The following PRKAG2 variants were observed in gnomAD, a reference collection of about 807,000 sequenced individuals.
The protein encoded by PRKAG2 is protein kinase AMP-activated non-catalytic subunit gamma 2, also known as 5'-AMP-activated protein kinase subunit gamma-2.
Under a neutral mutation model 69.6 loss-of-function variants are expected in PRKAG2, and 26 were observed. The observed-to-expected ratio is 0.37, with a 90% CI of 0.27 to 0.52. The LOEUF is 0.52. Ranked by LOEUF, PRKAG2 falls within the 20% of genes least tolerant of loss-of-function variation. The probability of loss-of-function intolerance (pLI) is 0.90; values close to 1 mark genes in which losing one functional copy is unlikely to be tolerated. For synonymous variants in PRKAG2, 293 were observed against 285.0 expected (o/e 1.03, Z -0.28); for missense variants, 557 against 740.0 (o/e 0.75, Z 2.87).
intron 2 of PRKAG2, among the ~76,000 whole-genome samples, chr7:151,782,708 C>CCT (rs1354040362): frequency 1.3e-5 from 2 of 152,210 alleles, no homozygotes; most frequent in Admixed American, 6.5e-5. Flanking sequence ...TCTCACCGAG[C>CCT]CTCAGCTCCC....
intron 5 of PRKAG2, among the ~76,000 whole-genome samples, chr7:151,611,388 C>T (rs150405379): frequency 1.2e-3 from 178 of 152,352 alleles, no homozygotes; most frequent in African/African-American, 3.9e-3. Flanking sequence ...GGCGGTGCAG[C>T]GCTTGCCAGA....
At chr7:151,709,733 G>A (rs1266523477) in intron 3 of PRKAG2, among the ~76,000 whole-genome samples, 1 of 152,242 alleles carries the variant, frequency 6.6e-6, no homozygotes, top group Non-Finnish European at 1.5e-5. Context: ...GTGACACTGA[G>A]TGAAGTGTGA....
intron 1 of PRKAG2, among the ~76,000 whole-genome samples, chr7:151,846,676 G>A (rs893083364): frequency 2.6e-5 from 4 of 152,154 alleles, no homozygotes; most frequent in Non-Finnish European, 5.9e-5. Context: ...GTATGCGTGT[G>A]CATGTGGATG....
chr7:151,867,351 G>A (rs1198372715), intron 1 of PRKAG2, among the ~76,000 whole-genome samples: 1 of 152,186 alleles, frequency 6.6e-6, no homozygotes, highest in Non-Finnish European at 1.5e-5. Flanking sequence ...TGAAATCAAG[G>A]TGCTGTGAGA....
intron 1 of PRKAG2, among the ~76,000 whole-genome samples, chr7:151,853,777 A>G (rs908608947): frequency 8.1e-6 from 1 of 124,158 alleles, no homozygotes; most frequent in African/African-American, 3.0e-5. Flanking sequence ...AAAAAAAAAA[A>G]AGTCAAATAT....
intron 3 of PRKAG2, among the ~76,000 whole-genome samples, chr7:151,721,749 A>G (rs993845634): frequency 8.5e-5 from 13 of 152,134 alleles, no homozygotes; most frequent in Admixed American, 7.9e-4. Flanking sequence ...TGTCAGGCCA[A>G]CGTCCCATCA....
chr7:151,619,885 G>GT (rs1374263871), intron 5 of PRKAG2, among the ~76,000 whole-genome samples: 1 of 152,142 alleles, frequency 6.6e-6, no homozygotes, highest in Admixed American at 6.6e-5. Flanking sequence ...GCTGGGCATG[G>GT]TGGCGCATGC....
Position 151,778,000 on chromosome 7 carries a change from C to G in PRKAG2, c.466+3152G>C, listed in dbSNP as rs1182250998. Among the ~76,000 whole-genome samples the G allele has an allele frequency of 6.6e-6, 1 of 152,130 alleles. No homozygotes were observed. The highest frequency in any genetic ancestry group is 1.5e-5 in the Non-Finnish European group (1 of 68,016). On this transcript the variant is annotated intron_variant, in intron 3 of 15. Transcript: ENST00000287878. The surrounding 1 kb of genome is among the most constrained non-coding windows in gnomAD (Gnocchi z 4.3). ...TGTAGATAGTATCACTATTTAACAC[C>G]TAAGATTGGTCTTTTGAGATAATTT...
chr7:151,696,501 G>A (rs534873123), intron 3 of PRKAG2, among the ~76,000 whole-genome samples: 262 of 152,170 alleles, frequency 1.7e-3, no homozygotes, highest in African/African-American at 2.5e-3. Context: ...CAGGCCTGCC[G>A]GCGCCTCAGC....
intron 3 of PRKAG2, among the ~76,000 whole-genome samples, chr7:151,700,562 T>C (rs1177999273): frequency 6.6e-6 from 1 of 152,162 alleles, no homozygotes; most frequent in Non-Finnish European, 1.5e-5. Flanking sequence ...AGATTCAGAT[T>C]TGGGAACTGG....
intron 4 of PRKAG2, among the ~76,000 whole-genome samples, chr7:151,654,540 C>T (rs772361337): frequency 2.6e-5 from 4 of 152,172 alleles, no homozygotes; most frequent in African/African-American, 7.2e-5. Context: ...GATACCTGAG[C>T]CAAACCATAT....
In PRKAG2 at chr7:151,788,966, G is replaced by C. The variant is rs2077144252; in HGVS notation, c.115-2425C>G. Among the ~76,000 whole-genome samples, 1 of 152,168 alleles carries C rather than the reference G, an allele frequency of 6.6e-6. No homozygotes were observed. Among genetic ancestry groups the C allele is most frequent in the Non-Finnish European group, 1.5e-5 (1 of 68,040 alleles). ...GAACGTCATTTGACTTTATCTCTGA[G>C]AGTTTATTTCTGGGCTCTCCATTCC... On this transcript the variant is annotated intron_variant, in intron 1 of 15. Transcript: ENST00000287878. This position sits in a 1 kb window ranked among gnomAD's most constrained non-coding sequence, Gnocchi z 4.6.
chr7:151,782,762 G>A (rs1482575621), intron 2 of PRKAG2, among the ~76,000 whole-genome samples: 2 of 152,186 alleles, frequency 1.3e-5, no homozygotes, highest in East Asian at 3.9e-4. Flanking sequence ...CTCAAGGGCT[G>A]CTTGAACGTC....
intron 5 of PRKAG2, among the ~76,000 whole-genome samples, chr7:151,624,861 T>C (rs753112370): frequency 6.6e-5 from 10 of 152,340 alleles, no homozygotes; most frequent in Middle Eastern, 3.4e-3. Flanking sequence ...ATTTCTCCAA[T>C]GCCTCAAATA....
At chr7:151,861,850 G>C (rs751877893) in intron 1 of PRKAG2, among the ~76,000 whole-genome samples, 1 of 152,044 alleles carries the variant, frequency 6.6e-6, no homozygotes, top group Non-Finnish European at 1.5e-5. Context: ...CATTGACACC[G>C]GGGTTGCGAC....
At chr7:151,608,366 G>A (rs1175176165) in intron 5 of PRKAG2, among the ~76,000 whole-genome samples, 4 of 152,104 alleles carry the variant, frequency 2.6e-5, no homozygotes, top group African/African-American at 9.7e-5. Context: ...CCTTCCCTTT[G>A]AGCCCCTCAG....
intron 4 of PRKAG2, among the ~76,000 whole-genome samples, chr7:151,651,518 AATCTC>A (rs1396399826): frequency 6.6e-6 from 1 of 152,140 alleles, no homozygotes; most frequent in East Asian, 1.9e-4. Flanking sequence ...GAGGTAGGAG[AATCTC>A]TTGAACCCGG....
At chr7:151,616,684 G>C (rs1474538207) in intron 5 of PRKAG2, among the ~76,000 whole-genome samples, 1 of 152,240 alleles carries the variant, frequency 6.6e-6, no homozygotes, top group Non-Finnish European at 1.5e-5. Context: ...ACTGCAAAGT[G>C]CTAAAGGAAC....
At chr7:151,718,434 G>C (rs1278553684) in intron 3 of PRKAG2, among the ~76,000 whole-genome samples, 1 of 151,990 alleles carries the variant, frequency 6.6e-6, no homozygotes, top group Non-Finnish European at 1.5e-5. Context: ...GAATTCGGGG[G>C]ACACGATCTG....
Sources: allele counts gnomAD v4.1 joint callset (sites outside exome capture counted in the v4.1 genomes callset), GRCh38; gene constraint gnomAD v4.1.1; non-coding constraint Gnocchi (gnomAD v3.1); transcripts MANE v1.5; gene names NCBI Gene and HGNC (gene_info 2026-07-23, HGNC 2026-07-21).